The following SYNE1 variants were observed in gnomAD, a reference collection of about 807,000 sequenced individuals.
SYNE1 encodes spectrin repeat containing nuclear envelope protein 1, also known as nesprin-1.
SYNE1 carries 616 observed loss-of-function variants against 1,111.0 expected under a neutral mutation model. The ratio of observed to expected loss-of-function variants is 0.55; its 90% confidence interval spans 0.52 to 0.59. The LOEUF (loss-of-function observed/expected upper bound fraction) is 0.59. SYNE1 is among the 20% of genes least tolerant of loss of function. SYNE1 has a pLI of 0.00. For synonymous variants in SYNE1, 3,855 were observed against 3,825.8 expected, an observed-to-expected ratio of 1.01 and a Z score of -0.28; for missense variants, 10,006 against 10,417.0, an observed-to-expected ratio of 0.96 and a Z score of 1.72.
intron 101 of SYNE1, among the ~76,000 whole-genome samples, chr6:152,260,755 G>A (rs1374933524): frequency 3.3e-5 from 5 of 151,830 alleles, no homozygotes; most frequent in South Asian, 2.1e-4. Context: ...CAGATCATCA[G>A]GCATTAAATT....
chr6:152,229,098 T>C (rs2082190570), intron 115 of SYNE1, among the ~76,000 whole-genome samples: 1 of 152,156 alleles, frequency 6.6e-6, no homozygotes, highest in Non-Finnish European at 1.5e-5. Context: ...TTTATATGTG[T>C]CCCAAACAGA....
In SYNE1 at chr6:152,268,085, A is replaced by G; in HGVS notation, c.18786T>C (p.His6262=). The G allele has an allele frequency of 6.2e-7, 1 of 1,614,054 alleles. No individual in the cohort carries two copies. Among genetic ancestry groups the G allele is most frequent in the Non-Finnish European group, 8.5e-7 (1 of 1,179,926 alleles). The change falls in exon 100 of 146, where the codon CAT becomes CAC. Residue 6262 remains histidine, a synonymous_variant. Transcript: ENST00000367255. ...CATCACCAGAGGTCTCTGCCGCCGAATGTTGAATTAGAATCTCCTCTCCAC... is the reference window on the plus strand; with the variant it reads ...CATCACCAGAGGTCTCTGCCGCCGAGTGTTGAATTAGAATCTCCTCTCCAC... ...ASRGEEILIQ[H]SAAETSGDAG... is the part of the protein sequence containing the mutation.
chr6:152,463,131 T>C (rs986596512), intron 19 of SYNE1, among the ~76,000 whole-genome samples: 3 of 152,216 alleles, frequency 2.0e-5, no homozygotes, highest in Non-Finnish European at 4.4e-5. Context: ...GTAGGCTCCA[T>C]ATGTCAACAT....
intron 130 of SYNE1, among the ~76,000 whole-genome samples, chr6:152,169,921 A>G (rs2064759785): frequency 1.3e-5 from 2 of 152,168 alleles, no homozygotes; most frequent in Admixed American, 6.5e-5. Flanking sequence ...TTCTTATATT[A>G]ATGTATTTTT....
rs1229739804 is a variant in SYNE1 at position 152,444,406 on chromosome 6, T to G, written c.3837+5A>C. ...AATCTTGTTGGAAGAAAGAGGCATT[T>G]TTACCTGGTGATGAAGAAGTAACTG... On this transcript the variant is annotated splice_donor_5th_base_variant and intron_variant, in intron 30 of 145. Coordinates refer to ENST00000367255, the MANE Select transcript of SYNE1 (RefSeq NM_182961.4). 1 of 1,613,590 alleles carries G rather than the reference T, an allele frequency of 6.2e-7. No individual in the cohort carries two copies. The highest frequency in any genetic ancestry group is 1.7e-5 in the Admixed American group (1 of 60,018).
At chr6:152,313,163 T>C (rs1410972600) in intron 87 of SYNE1, among the ~76,000 whole-genome samples, 1 of 152,368 alleles carries the variant, frequency 6.6e-6, no homozygotes, top group East Asian at 1.9e-4. Flanking sequence ...CTGTCTTCTA[T>C]AAGAATCTAT....
At chr6:152,425,909 T>C (rs9397104) in intron 38 of SYNE1, among the ~76,000 whole-genome samples, 32,079 of 152,130 alleles carry the variant, frequency 0.21, 3,602 homozygotes, top group East Asian at 0.38. Flanking sequence ...AGAGACTGAG[T>C]AGGCAAAGAG....
chr6:152,268,633 A>T (rs1446457352), intron 99 of SYNE1, among the ~76,000 whole-genome samples: 1 of 152,196 alleles, frequency 6.6e-6, no homozygotes, highest in Non-Finnish European at 1.5e-5. Flanking sequence ...AAAATATTTG[A>T]ATATGCTTTT....
At chr6:152,302,130 C>T (rs1331985691) in intron 91 of SYNE1, 67 bp from the exon 92 acceptor site, 5 of 1,599,772 alleles carry the variant, frequency 3.1e-6, no homozygotes, top group Middle Eastern at 1.6e-4. Context: ...TAGTAGCGTT[C>T]ATCTTCCTGC....
chr6:152,628,215 G>T, intron 3 of SYNE1, 50 bp downstream of exon 3: 1 of 1,587,360 alleles, frequency 6.3e-7, no homozygotes. Context: ...CTGATTGTGG[G>T]TTAAGATGGT....
intron 3 of SYNE1, among the ~76,000 whole-genome samples, chr6:152,603,967 T>G (rs1404483032): frequency 7.0e-6 from 1 of 142,508 alleles, no homozygotes; most frequent in African/African-American, 2.6e-5. Context: ...GATATAAATA[T>G]GTATATCTCT....
intron 10 of SYNE1, among the ~76,000 whole-genome samples, chr6:152,501,461 G>A (rs773648076): frequency 3.3e-5 from 5 of 152,248 alleles, no homozygotes; most frequent in Admixed American, 6.5e-5. Flanking sequence ...TTGGCCAGGC[G>A]TGGTGGCTCA....
At chr6:152,196,299 C>T (rs139082270) in intron 127 of SYNE1, among the ~76,000 whole-genome samples, 130 of 152,264 alleles carry the variant, frequency 8.5e-4, no homozygotes, top group African/African-American at 2.9e-3. Context: ...ACCTAAGTTA[C>T]AAGACAAAGT....
At chr6:152,290,038 A>C (rs2094525015) in intron 95 of SYNE1, among the ~76,000 whole-genome samples, 1 of 151,666 alleles carries the variant, frequency 6.6e-6, no homozygotes, top group African/African-American at 2.4e-5. Flanking sequence ...ATGAGAGACC[A>C]CAGTTCTTCT....
intron 3 of SYNE1, among the ~76,000 whole-genome samples, chr6:152,576,843 C>T (rs1349121086): frequency 6.6e-6 from 1 of 152,106 alleles, no homozygotes; most frequent in African/African-American, 2.4e-5. Flanking sequence ...GTAGATCACC[C>T]TCAAAGCAAA....
intron 92 of SYNE1, among the ~76,000 whole-genome samples, chr6:152,301,253 G>A (rs2095152351): frequency 6.6e-6 from 1 of 152,108 alleles, no homozygotes. Flanking sequence ...CACATATAAG[G>A]GAAAACACAC....
In SYNE1 at chr6:152,321,589, T is replaced by A; in HGVS notation, c.16083+132A>T. ...GAAAATCCCATGAAGTAATACTAAA[T>A]ATCTTTTATATAACACACTTCTGAA... On this transcript the variant is annotated intron_variant, in intron 83 of 145. Coordinates refer to ENST00000367255, the MANE Select transcript of SYNE1 (RefSeq NM_182961.4). 3 of 1,293,504 alleles carry A rather than the reference T, an allele frequency of 2.3e-6. No homozygotes were observed. The East Asian group carries it at 7.6e-5, about 33-fold the overall frequency. 80.1% of individuals were successfully genotyped at this position (1,293,504 alleles called of 1,614,324 possible). A position where few individuals can be genotyped will look rare whatever the true frequency, so the allele number is the denominator to read the frequency against.
intron 126 of SYNE1, among the ~76,000 whole-genome samples, chr6:152,204,323 A>C (rs1356097551): frequency 6.6e-6 from 1 of 151,202 alleles, no homozygotes; most frequent in Non-Finnish European, 1.5e-5. Flanking sequence ...CCAAGACTGC[A>C]CCACAGCACT....
chr6:152,321,604 A>C (rs1283388894), intron 83 of SYNE1, 117 bp downstream of exon 83: 2 of 1,379,622 alleles, frequency 1.4e-6, no homozygotes, highest in Non-Finnish European at 2.0e-6. Context: ...TTTATATAAC[A>C]CACTTCTGAA....
Sources: allele counts gnomAD v4.1 joint callset (sites outside exome capture counted in the v4.1 genomes callset), GRCh38; gene constraint gnomAD v4.1.1; transcripts MANE v1.5; gene names NCBI Gene and HGNC (gene_info 2026-07-23, HGNC 2026-07-21).